KRAS: variants seen among roughly 807,000 people sequenced by gnomAD.
KRAS encodes GTPase KRas.
A neutral mutation model predicts 21.0 loss-of-function variants in KRAS; 1 was observed. The observed-to-expected ratio is 0.05, with a 90% CI of 0.02 to 0.23. The LOEUF is 0.23. Among genes scored for constraint, KRAS ranks in the 10% least tolerant of loss-of-function variants. The probability of loss-of-function intolerance (pLI) is 1.00; values close to 1 mark genes in which losing one functional copy is unlikely to be tolerated. For missense variants in KRAS, 107 were observed against 221.8 expected, an observed-to-expected ratio of 0.48 and a Z score of 3.29; for synonymous variants, 67 against 72.5, an observed-to-expected ratio of 0.92 and a Z score of 0.39.
intron 4 of KRAS, 119 bp downstream of exon 4, chr12:25,225,495 T>A (rs945579077): frequency 3.9e-6 from 4 of 1,037,372 alleles, no homozygotes; most frequent in Non-Finnish European, 5.9e-6. Flanking sequence ...CAAAAACATT[T>A]ACTAAATATT....
chr12:25,207,798 C>T lies in KRAS; in HGVS notation c.*1997G>A, dbSNP rs1951154909. 4.3e-6 allele frequency: 1 copy of T among 232,942 alleles called. No individual in the cohort carries two copies. The highest frequency in any genetic ancestry group is 2.2e-5 in the African/African-American group (1 of 45,310). 14.4% of individuals were successfully genotyped at this position (232,942 alleles called of 1,614,324 possible). A position where few individuals can be genotyped will look rare whatever the true frequency, so the allele number is the denominator to read the frequency against. On this transcript the variant is annotated 3_prime_UTR_variant, in exon 5 of 5. Coordinates refer to ENST00000311936, the MANE Select transcript of KRAS (RefSeq NM_004985.5). ...GAAAATTAGTGATTAGGTCAAATCC[C>T]TTTATGGTATCTGTCAGATTCTCTT...
chr12:25,239,635 T>A (rs977007027), intron 2 of KRAS, among the ~76,000 whole-genome samples: 1 of 152,040 alleles, frequency 6.6e-6, no homozygotes. Context: ...AGAAAGAAGG[T>A]GAAAAATAGT....
intron 1 of KRAS, among the ~76,000 whole-genome samples, chr12:25,249,643 T>C (rs1951739295): frequency 6.7e-6 from 1 of 149,302 alleles, no homozygotes; most frequent in Non-Finnish European, 1.5e-5. Flanking sequence ...TTCAGGCGGT[T>C]AGCTGGTGGA....
Position 25,225,286 on chromosome 12 carries a change from T to TTATTTATATA in KRAS, c.450+327_450+328insTATATAAATA, listed in dbSNP as rs1486092988. On this transcript the variant is annotated intron_variant, in intron 4 of 4. Transcript: ENST00000311936. Reference sequence around the variant, plus strand: ...ACGCAAAAATTTGTTGCCCTGTTCTTTATATATATATATATATATATATAT... The same window carrying TTATTTATATA: ...ACGCAAAAATTTGTTGCCCTGTTCTTTATTTATATATATATATATATATATATATATATAT... 47 of 10,612 alleles carry TTATTTATATA rather than the reference T, an allele frequency of 4.4e-3. 2 individuals carry two copies. The highest frequency in any genetic ancestry group is 0.01 in the African/African-American group (22 of 2,198). 0.7% of individuals were successfully genotyped at this position (10,612 alleles called of 1,614,324 possible). A position where few individuals can be genotyped will look rare whatever the true frequency, so the allele number is the denominator to read the frequency against.
At chr12:25,231,423 T>C (rs536895501) in intron 2 of KRAS, among the ~76,000 whole-genome samples, 1 of 152,222 alleles carries the variant, frequency 6.6e-6, no homozygotes, top group African/African-American at 2.4e-5. Context: ...AGGCTGAGTA[T>C]CCCTACTCTG....
chr12:25,227,299 C>T lies in KRAS; in HGVS notation c.225G>A (p.Gly75=), dbSNP rs2141509682. Residue 75 remains glycine, a synonymous_variant, in exon 3 of 5, where the codon GGG becomes GGA. Coordinates refer to ENST00000311936, the MANE Select transcript of KRAS (RefSeq NM_004985.5). ...SAMRDQYMRT[G]EGFLCVFAIN... is the part of the protein sequence containing the mutation. Reference sequence around the variant, plus strand: ...TGGCAAATACACAAAGAAAGCCCTCCCCAGTCCTCATGTACTGGTCCCTCA... The same window carrying T: ...TGGCAAATACACAAAGAAAGCCCTCTCCAGTCCTCATGTACTGGTCCCTCA... 6.2e-7 allele frequency: 1 copy of T among 1,613,254 alleles called. No individual in the cohort carries two copies. Among genetic ancestry groups the T allele is most frequent in the Non-Finnish European group, 8.5e-7 (1 of 1,179,286 alleles).
At position 25,205,949 on chromosome 12, in the gene KRAS, AATTC is replaced by A. The variant is rs1951133732; in HGVS notation, c.*3842_*3845del. ...ATTAACACAGAAGTTACTAAATATA[AATTC>A]AGCTTTAAGGTAACTGCTGGGTTCT... On this transcript the variant is annotated 3_prime_UTR_variant, in exon 5 of 5. Transcript: ENST00000311936. 4.7e-6 allele frequency: 1 copy of A among 214,594 alleles called. No individual in the cohort carries two copies. Among genetic ancestry groups the A allele is most frequent in the African/African-American group, 2.3e-5 (1 of 44,436 alleles). The allele number at this position is 214,594 out of a possible 1,614,324, so 13.3% of individuals were successfully genotyped here.
intron 2 of KRAS, among the ~76,000 whole-genome samples, chr12:25,239,883 G>A (rs935992946): frequency 3.9e-5 from 6 of 152,016 alleles, no homozygotes; most frequent in African/African-American, 1.2e-4. Context: ...AACCCAGGAG[G>A]TGGAGGCTGC....
chr12:25,225,291 T>TATAC, intron 4 of KRAS: 1 of 136,980 alleles, frequency 7.3e-6, no homozygotes, highest in Non-Finnish European at 1.6e-5. Flanking sequence ...GTTCTTTATA[T>TATAC]ATATATATAT....
Position 25,206,420 on chromosome 12 carries a change from C to A in KRAS, c.*3375G>T. 1 of 203,722 alleles carries A rather than the reference C, an allele frequency of 4.9e-6. No homozygotes were observed. 12.6% of individuals were successfully genotyped at this position (203,722 alleles called of 1,614,324 possible). On this transcript the variant is annotated 3_prime_UTR_variant, in exon 5 of 5. Transcript: ENST00000311936. ...AAAAAACTTCAACAAGGATTTTTGT[C>A]TTTAAGGCTGTAATAATTAGGTAAC...
intron 1 of KRAS, among the ~76,000 whole-genome samples, chr12:25,249,831 G>C (rs536751459): frequency 2.0e-5 from 3 of 152,134 alleles, no homozygotes; most frequent in African/African-American, 7.2e-5. Flanking sequence ...TAAACTTCAA[G>C]TACTATTTTT....
intron 2 of KRAS, among the ~76,000 whole-genome samples, chr12:25,241,779 T>C (rs963378095): frequency 6.6e-6 from 1 of 152,178 alleles, no homozygotes; most frequent in African/African-American, 2.4e-5. Context: ...GTAGCAGTAC[T>C]CTCTCCCCAA....
rs1436267844 is a variant in KRAS at position 25,206,125 on chromosome 12, A to G, written c.*3670T>C. ...AATGTTTAGAAGAAAAAAAAAATCA[A>G]TGGAATACAAATGAGATGAACTTGT... On this transcript the variant is annotated 3_prime_UTR_variant, in exon 5 of 5. Transcript: ENST00000311936. The G allele has an allele frequency of 9.3e-6, 2 of 215,468 alleles. No individual in the cohort carries two copies. Among genetic ancestry groups the G allele is most frequent in the Admixed American group, 5.8e-5 (1 of 17,128 alleles). The allele number at this position is 215,468 out of a possible 1,614,324, so 13.3% of individuals were successfully genotyped here. A position where few individuals can be genotyped will look rare whatever the true frequency, so the allele number is the denominator to read the frequency against.
intron 4 of KRAS, among the ~76,000 whole-genome samples, chr12:25,210,466 T>G (rs1951190203): frequency 6.6e-6 from 1 of 152,134 alleles, no homozygotes; most frequent in Non-Finnish European, 1.5e-5. Context: ...AAACAGTATC[T>G]AAACATATTA....
chr12:25,230,330 T>C (rs1209553303), intron 2 of KRAS, among the ~76,000 whole-genome samples: 1 of 152,178 alleles, frequency 6.6e-6, no homozygotes, highest in Non-Finnish European at 1.5e-5. Context: ...GGAGATAATT[T>C]AAAAGACATT....
rs1565887985 is a variant in KRAS at position 25,235,147 on chromosome 12, C to T, written c.112-7735G>A. 6.3e-6 allele frequency: 3 copies of T among 477,130 alleles called. 1 individual carries two copies. The highest frequency in any genetic ancestry group is 7.1e-5 in the South Asian group (2 of 27,986). The allele number at this position is 477,130 out of a possible 1,614,324, so 29.6% of individuals were successfully genotyped here. A position where few individuals can be genotyped will look rare whatever the true frequency, so the allele number is the denominator to read the frequency against. ...CTGAAAATGTCAATAATGTATTACT[C>T]GGGGATTTCCTCTTGAAATTGTATG... On this transcript the variant is annotated intron_variant, in intron 2 of 4. Coordinates refer to ENST00000311936, the MANE Select transcript of KRAS (RefSeq NM_004985.5).
intron 2 of KRAS, among the ~76,000 whole-genome samples, chr12:25,240,231 G>T (rs191545388): frequency 8.5e-5 from 13 of 152,188 alleles, no homozygotes; most frequent in African/African-American, 2.9e-4. Context: ...AAATAATAAT[G>T]GTTAAGAGAC....
At chr12:25,215,168 T>C (rs933893932) in intron 4 of KRAS, 1 of 599,724 alleles carries the variant, frequency 1.7e-6, no homozygotes, top group Non-Finnish European at 2.1e-6. Context: ...AATATCAGTT[T>C]CCAAATATTT....
In KRAS at chr12:25,209,623, A is replaced by G. The variant is rs530873076; in HGVS notation, c.*172T>C. 30 of 1,331,052 alleles carry G rather than the reference A, an allele frequency of 2.3e-5. No homozygotes were observed. In the South Asian group the frequency reaches 3.7e-4, roughly 16 times the overall value. 82.5% of individuals were successfully genotyped at this position (1,331,052 alleles called of 1,614,324 possible). ...CTCTGGGAATACTGGCACTTAGAGG[A>G]AAAAAAAACTTCCACTGTCATTTTA... is the stretch of plus-strand genomic sequence containing the variant. On this transcript the variant is annotated 3_prime_UTR_variant, in exon 5 of 5. Coordinates refer to ENST00000311936, the MANE Select transcript of KRAS (RefSeq NM_004985.5).
Sources: allele counts gnomAD v4.1 joint callset (sites outside exome capture counted in the v4.1 genomes callset), GRCh38; gene constraint gnomAD v4.1.1; transcripts MANE v1.5; gene names NCBI Gene and HGNC (gene_info 2026-07-23, HGNC 2026-07-21).